ACO2: variants seen among roughly 807,000 people sequenced by gnomAD.
ACO2 encodes the protein aconitate hydratase, mitochondrial.
ACO2 carries 31 observed loss-of-function variants against 84.5 expected under a neutral mutation model. That is an observed-to-expected ratio of 0.37 (90% CI 0.28 to 0.50). The LOEUF (loss-of-function observed/expected upper bound fraction) is 0.50, where lower values mean the gene tolerates loss of function less well. ACO2 is among the 20% of genes least tolerant of loss of function. The probability of loss-of-function intolerance (pLI) is 0.97; values close to 1 mark genes in which losing one functional copy is unlikely to be tolerated. For missense variants in ACO2, 685 were observed against 1,029.3 expected (o/e 0.67, Z 4.58); for synonymous variants, 414 against 412.7 (o/e 1.00, Z -0.04).
chr22:41,499,672 G>C (rs1414132175), intron 1 of ACO2, 54 bp from the exon 2 acceptor site: 9 of 1,583,788 alleles, frequency 5.7e-6, no homozygotes, highest in Non-Finnish European at 3.4e-6. Flanking sequence ...TGCCCTCGGG[G>C]ATGGACTCTC....
intron 1 of ACO2, among the ~76,000 whole-genome samples, chr22:41,497,767 C>A (rs973450884): frequency 3.3e-5 from 5 of 152,146 alleles, no homozygotes; most frequent in African/African-American, 1.2e-4. Context: ...CCTGTAGTCC[C>A]AGCTACTTGG....
At chr22:41,495,817 T>A (rs1569008126) in intron 1 of ACO2, among the ~76,000 whole-genome samples, 1 of 150,668 alleles carries the variant, frequency 6.6e-6, no homozygotes. Flanking sequence ...TAGCCAGGAC[T>A]GTCTCCATCT....
Position 41,526,265 on chromosome 22 carries a change from A to G in ACO2, c.1765A>G (p.Lys589Glu). The change falls in exon 15 of 18, where the codon AAA becomes GAA. Residue 589 changes from lysine to glutamate, a missense_variant. By Grantham distance (56) the Lys-to-Glu change is moderately conservative. Around this residue, in one of 5 missense-constraint regions of ACO2, gnomAD observed 10 missense variants for 39.7 expected, o/e 0.25. Transcript: ENST00000216254. ...TCCTCTCTACTTACCACCCAAGGTC[A>G]AAGGGAAGTGTACCACTGACCACAT... Reference protein sequence around the residue: ...LEDLQILIKVKGKCTTDHISA... With the variant: ...LEDLQILIKVEGKCTTDHISA... 2 of 1,611,556 alleles carry G rather than the reference A, an allele frequency of 1.2e-6. No homozygotes were observed. The highest frequency in any genetic ancestry group is 1.7e-6 in the Non-Finnish European group (2 of 1,179,474).
intron 1 of ACO2, among the ~76,000 whole-genome samples, chr22:41,475,322 G>C (rs926970849): frequency 6.6e-6 from 1 of 151,742 alleles, no homozygotes; most frequent in African/African-American, 2.4e-5. Flanking sequence ...AGAGGCATGT[G>C]GCACCATGCC....
intron 1 of ACO2, among the ~76,000 whole-genome samples, chr22:41,477,728 G>A (rs943821599): frequency 2.6e-5 from 4 of 152,168 alleles, no homozygotes; most frequent in Admixed American, 6.6e-5. Flanking sequence ...GATGGCCCGC[G>A]GCATCCATCA....
chr22:41,520,097 A>T, intron 8 of ACO2, 74 bp from the exon 9 acceptor site: 1 of 1,317,570 alleles, frequency 7.6e-7, no homozygotes, highest in South Asian at 1.2e-5. Context: ...GTGGTGAGGC[A>T]GTGAAAGAGG....
At chr22:41,517,932 GC>G (rs767275971) in intron 7 of ACO2, among the ~76,000 whole-genome samples, 10 of 152,344 alleles carry the variant, frequency 6.6e-5, no homozygotes, top group Non-Finnish European at 1.3e-4. Context: ...GGTCCCTGCT[GC>G]CCCCTACAGG....
Position 41,512,077 on chromosome 22 carries a change from G to A in ACO2, c.525+109G>A, listed in dbSNP as rs1477176978. ...CCAGGGGGGCTGAGGGGAACTGGAT[G>A]ACATATCCATCAGCTCTTATGCTCT... On this transcript the variant is annotated intron_variant, in intron 4 of 17. Transcript: ENST00000216254. 3 of 719,140 alleles carry A rather than the reference G, an allele frequency of 4.2e-6. No individual in the cohort carries two copies. In the Admixed American group the frequency reaches 1.1e-4, roughly 25 times the overall value. 44.5% of individuals were successfully genotyped at this position (719,140 alleles called of 1,614,324 possible).
intron 1 of ACO2, among the ~76,000 whole-genome samples, chr22:41,470,147 A>T (rs1428055831): frequency 6.6e-6 from 1 of 152,176 alleles, no homozygotes; most frequent in East Asian, 1.9e-4. Flanking sequence ...TTCACTTCTA[A>T]CTTGACAGCC....
chr22:41,496,109 T>G, intron 1 of ACO2, among the ~76,000 whole-genome samples: 1 of 151,454 alleles, frequency 6.6e-6, no homozygotes, highest in East Asian at 2.0e-4. Flanking sequence ...GTCAGGAGTT[T>G]GAGACCAGCC....
intron 4 of ACO2, chr22:41,512,288 C>T (rs1378063574): frequency 7.6e-6 from 2 of 262,432 alleles, no homozygotes; most frequent in Admixed American, 1.1e-4. Context: ...TCATACAGAA[C>T]ATGGTATTAT....
chr22:41,481,572 C>T (rs144300550), intron 1 of ACO2, among the ~76,000 whole-genome samples: 344 of 152,348 alleles, frequency 2.3e-3, no homozygotes, highest in African/African-American at 7.8e-3. Context: ...CTCCGACCTC[C>T]GTCCTTTGGG....
chr22:41,506,290 T>C (rs1325532314), intron 2 of ACO2, among the ~76,000 whole-genome samples: 1 of 151,844 alleles, frequency 6.6e-6, no homozygotes, highest in African/African-American at 2.4e-5. Flanking sequence ...TCTTGCTCTA[T>C]TGCCCAGGCT....
At chr22:41,506,309 G>A (rs993899748) in intron 2 of ACO2, among the ~76,000 whole-genome samples, 1 of 151,744 alleles carries the variant, frequency 6.6e-6, no homozygotes, top group Non-Finnish European at 1.5e-5. Flanking sequence ...CTGGAGTGCA[G>A]TGGCGCTATC....
At chr22:41,528,457 C>T (rs758484779) in intron 17 of ACO2, 22 bp from the exon 18 acceptor site, 1 of 1,610,666 alleles carries the variant, frequency 6.2e-7, no homozygotes, top group East Asian at 2.2e-5. Flanking sequence ...CACTTCCACC[C>T]ACACCCACCT....
chr22:41,510,028 G>T (rs911662496), intron 3 of ACO2, among the ~76,000 whole-genome samples: 1 of 152,008 alleles, frequency 6.6e-6, no homozygotes, highest in African/African-American at 2.4e-5. Flanking sequence ...TAGAGACAGG[G>T]TTTCACCACG....
chr22:41,526,052 C>A (rs540690362), intron 14 of ACO2: 1 of 527,144 alleles, frequency 1.9e-6, no homozygotes, highest in Non-Finnish European at 3.4e-6. Flanking sequence ...CAGCCAGAGG[C>A]CTTTGAGGGG....
chr22:41,525,875 CCT>C, intron 14 of ACO2: 1 of 210,004 alleles, frequency 4.8e-6, no homozygotes, highest in Non-Finnish European at 9.5e-6. Flanking sequence ...TCCAGGCACC[CCT>C]GTGACAGAAG....
At chr22:41,524,361 C>G (rs935473937) in intron 12 of ACO2, among the ~76,000 whole-genome samples, 1 of 152,232 alleles carries the variant, frequency 6.6e-6, no homozygotes, top group African/African-American at 2.4e-5. Flanking sequence ...TTCCCGTGGC[C>G]AGAGTGAGCC....
Sources: allele counts gnomAD v4.1 joint callset (sites outside exome capture counted in the v4.1 genomes callset), GRCh38; gene constraint gnomAD v4.1.1; regional missense constraint gnomAD v4.1.1; transcripts MANE v1.5; gene names NCBI Gene and HGNC (gene_info 2026-07-23, HGNC 2026-07-21).